Variants in PSD3 observed in about 807,000 individuals in gnomAD.
PSD3 encodes the protein PH and SEC7 domain-containing protein 3.
PSD3 carries 49 observed loss-of-function variants against 105.5 expected under a neutral mutation model. The ratio of observed to expected loss-of-function variants is 0.46; its 90% confidence interval spans 0.37 to 0.59. PSD3 has a LOEUF of 0.59. PSD3 is among the 20% of genes least tolerant of loss of function. The pLI is 0.00. For missense variants in PSD3, 1,561 were observed against 1,263.8 expected (o/e 1.24, Z -3.57); for synonymous variants, 557 against 457.8 (o/e 1.22, Z -2.77).
At chr8:18,621,732 C>G (rs1806123520) in intron 11 of PSD3, among the ~76,000 whole-genome samples, 1 of 152,080 alleles carries the variant, frequency 6.6e-6, no homozygotes, top group African/African-American at 2.4e-5. Flanking sequence ...CAGCCAAGTG[C>G]CAAGGGAAGG....
chr8:18,748,490 C>T (rs983314835), intron 9 of PSD3, among the ~76,000 whole-genome samples: 14 of 151,822 alleles, frequency 9.2e-5, no homozygotes, highest in Admixed American at 2.0e-4. Flanking sequence ...GAAACCCCAT[C>T]TCTACTAAAA....
rs1012180881 is a variant in PSD3, at chr8:18,532,028, A to T, written c.*3715T>A. 3.9e-5 allele frequency: 6 copies of T among 152,226 alleles called. No individual in the cohort carries two copies. Among genetic ancestry groups the T allele is most frequent in the Non-Finnish European group, 7.3e-5 (5 of 68,040 alleles). 9.4% of individuals were successfully genotyped at this position (152,226 alleles called of 1,614,324 possible). On this transcript the variant is annotated 3_prime_UTR_variant, in exon 16 of 16. Coordinates refer to ENST00000327040, the MANE Select transcript of PSD3 (RefSeq NM_015310.4). Reference sequence around the variant, plus strand: ...ATGCCAAAGGAACTCAATTTCAAGGACAATTAATGAAACCCAAAAGGTTTT... The same window carrying T: ...ATGCCAAAGGAACTCAATTTCAAGGTCAATTAATGAAACCCAAAAGGTTTT...
intron 4 of PSD3, among the ~76,000 whole-genome samples, chr8:18,817,517 T>A (rs1300546931): frequency 6.6e-6 from 1 of 152,200 alleles, no homozygotes; most frequent in African/African-American, 2.4e-5. Context: ...TGGCTGGGCT[T>A]TAACATACGC....
chr8:19,043,097 G>T (rs1258300553), intron 1 of PSD3, among the ~76,000 whole-genome samples: 1 of 152,154 alleles, frequency 6.6e-6, no homozygotes, highest in Non-Finnish European at 1.5e-5. Context: ...GAACAGAAAA[G>T]AGTAGAATTC....
intron 2 of PSD3, among the ~76,000 whole-genome samples, chr8:18,929,038 C>G (rs955250616): frequency 6.6e-6 from 1 of 152,076 alleles, no homozygotes; most frequent in Non-Finnish European, 1.5e-5. Flanking sequence ...GGATGATGCA[C>G]AATTCTATGA....
chr8:19,013,613 A>T lies in PSD3; in HGVS notation c.-30T>A. 6 of 1,421,536 alleles carry T rather than the reference A, an allele frequency of 4.2e-6. No homozygotes were observed. The highest frequency in any genetic ancestry group is 4.6e-6 in the Non-Finnish European group (5 of 1,092,802). 88.1% of individuals were successfully genotyped at this position (1,421,536 alleles called of 1,614,324 possible). ...CATCGCCAGCCCGGCCGCGCGCCGA[A>T]ACCGCCGCCGGGCGCTCCGGGGCCG... On this transcript the variant is annotated 5_prime_UTR_variant, in exon 1 of 16. Transcript: ENST00000327040.
intron 1 of PSD3, among the ~76,000 whole-genome samples, chr8:19,072,857 T>C (rs1829315883): frequency 6.6e-6 from 1 of 152,172 alleles, no homozygotes; most frequent in Admixed American, 6.5e-5. Context: ...GTCTGTACTG[T>C]GCTGAGTTCA....
chr8:18,588,107 G>C (rs1242682852), intron 12 of PSD3, among the ~76,000 whole-genome samples: 1 of 152,110 alleles, frequency 6.6e-6, no homozygotes. Context: ...ATACCCCAAA[G>C]AACGCTATGA....
chr8:18,545,966 A>G (rs1048776155), intron 15 of PSD3, among the ~76,000 whole-genome samples: 1 of 152,156 alleles, frequency 6.6e-6, no homozygotes, highest in African/African-American at 2.4e-5. Context: ...TTCATCACCT[A>G]CATTTATTTA....
At chr8:18,866,030 G>C (rs1177341898) in intron 4 of PSD3, among the ~76,000 whole-genome samples, 1 of 152,114 alleles carries the variant, frequency 6.6e-6, no homozygotes, top group Non-Finnish European at 1.5e-5. Context: ...ACCACTCCCT[G>C]TGGCTTTTGC....
intron 10 of PSD3, among the ~76,000 whole-genome samples, chr8:18,646,268 A>C (rs1214612521): frequency 1.3e-5 from 2 of 152,138 alleles, no homozygotes; most frequent in Non-Finnish European, 2.9e-5. Flanking sequence ...TTTTTCGAGC[A>C]AGAAAGTTTT....
At chr8:18,882,207 CAACA>C (rs35021958) in intron 2 of PSD3, among the ~76,000 whole-genome samples, 13 of 151,412 alleles carry the variant, frequency 8.6e-5, no homozygotes, top group South Asian at 2.1e-4. Context: ...GATTCTGTCT[CAACA>C]AACAAACAAA....
At chr8:19,068,286 C>T (rs1055096564) in intron 1 of PSD3, among the ~76,000 whole-genome samples, 5 of 151,788 alleles carry the variant, frequency 3.3e-5, no homozygotes, top group South Asian at 2.1e-4. Flanking sequence ...TACTCTTCCT[C>T]CTCTTTTTTT....
chr8:18,945,514 G>C (rs981608369), intron 1 of PSD3, among the ~76,000 whole-genome samples: 2 of 152,160 alleles, frequency 1.3e-5, no homozygotes, highest in Non-Finnish European at 2.9e-5. Context: ...ACTCCTTTCC[G>C]ACTTCTAGTC....
intron 4 of PSD3, chr8:18,808,696 AC>A: frequency 6.2e-7 from 1 of 1,608,370 alleles, no homozygotes; most frequent in Non-Finnish European, 8.5e-7. Context: ...TTGAACAAGA[AC>A]CGGAATTGCT....
chr8:18,889,556 C>T (rs1818653620), intron 2 of PSD3, among the ~76,000 whole-genome samples: 1 of 152,174 alleles, frequency 6.6e-6, no homozygotes. Flanking sequence ...AGCTTGGCTA[C>T]CCTGTCTTGC....
At chr8:18,906,032 C>T (rs907470952) in intron 2 of PSD3, among the ~76,000 whole-genome samples, 2 of 152,134 alleles carry the variant, frequency 1.3e-5, no homozygotes, top group African/African-American at 4.8e-5. Context: ...TTATAGTAAA[C>T]ATCATATTAG....
intron 11 of PSD3, among the ~76,000 whole-genome samples, chr8:18,604,259 G>C (rs1804653940): frequency 6.6e-6 from 1 of 152,180 alleles, no homozygotes. Flanking sequence ...GAACTTACTG[G>C]GAACTGGAGT....
At chr8:18,590,564 AG>A (rs1482603860) in intron 12 of PSD3, among the ~76,000 whole-genome samples, 1 of 152,204 alleles carries the variant, frequency 6.6e-6, no homozygotes, top group Non-Finnish European at 1.5e-5. Context: ...GAGGTAATTT[AG>A]AAATATGTTT....
Sources: gnomAD v4.1 joint callset for allele counts (sites outside exome capture counted in the v4.1 genomes callset) on GRCh38, gnomAD v4.1.1 for gene constraint, MANE v1.5 for transcripts, NCBI Gene and HGNC (gene_info 2026-07-23, HGNC 2026-07-21) for gene names.